Variants in SLIT1 observed in about 807,000 individuals in gnomAD.
The protein encoded by SLIT1 is slit guidance ligand 1, also known as slit homolog 1 protein.
A neutral mutation model predicts 186.1 loss-of-function variants in SLIT1; 66 were observed. The observed-to-expected ratio is 0.35, with a 90% CI of 0.29 to 0.44. The LOEUF is 0.44. Among genes scored for constraint, SLIT1 ranks in the 20% least tolerant of loss-of-function variants. The pLI is 1.00. For missense variants in SLIT1, 1,638 were observed against 2,037.4 expected, an observed-to-expected ratio of 0.80 and a Z score of 3.77; for synonymous variants, 761 against 833.8, an observed-to-expected ratio of 0.91 and a Z score of 1.50.
intron 4 of SLIT1, among the ~76,000 whole-genome samples, chr10:97,069,380 G>A (rs1848981988): frequency 6.6e-6 from 1 of 152,270 alleles, no homozygotes; most frequent in African/African-American, 2.4e-5. Flanking sequence ...ATGCCCAGAA[G>A]AGGGCACAGA....
At chr10:97,084,170 C>T (rs1023543495) in intron 4 of SLIT1, among the ~76,000 whole-genome samples, 3 of 152,236 alleles carry the variant, frequency 2.0e-5, no homozygotes, top group Non-Finnish European at 4.4e-5. Context: ...CTGTTCAGGG[C>T]TCAGGAGCCT....
At chr10:97,157,628 G>A in intron 4 of SLIT1, 190 bp downstream of exon 4, 1 of 616,894 alleles carries the variant, frequency 1.6e-6, no homozygotes, top group East Asian at 2.6e-5. Flanking sequence ...TTGCCATGGA[G>A]AAATACCCTG....
In SLIT1 at chr10:97,157,829, A is replaced by C; in HGVS notation, c.402T>G (p.Ala134=). Residue 134 remains alanine, a synonymous_variant, in exon 4 of 37, where the codon GCT becomes GCG. Coordinates refer to ENST00000266058, the MANE Select transcript of SLIT1 (RefSeq NM_003061.3). The part of the protein sequence containing the change: ...LPELLFQNNQ[A]LSRLDLSENA... ...AGAGCGTCACTCACAGTCTTGACAA[A>C]GCCTGGTTGTTCTGGAACAGCAGTT... is the stretch of plus-strand genomic sequence containing the variant. The C allele has an allele frequency of 2.5e-6, 4 of 1,613,752 alleles. No homozygotes were observed. Among genetic ancestry groups the C allele is most frequent in the Non-Finnish European group, 3.4e-6 (4 of 1,179,596 alleles).
chr10:97,108,953 A>G (rs1849440186), intron 4 of SLIT1, among the ~76,000 whole-genome samples: 1 of 144,320 alleles, frequency 6.9e-6, no homozygotes. Context: ...GAGATCACAC[A>G]TGGGCCCAGG....
intron 3 of SLIT1, 102 bp downstream of exon 3, chr10:97,163,278 C>A (rs1161090350): frequency 2.1e-6 from 2 of 966,014 alleles, no homozygotes; most frequent in South Asian, 2.8e-5. Flanking sequence ...GGCATGGGGT[C>A]CCCTCCCATG....
At chr10:97,165,020 G>C (rs1239492911) in intron 1 of SLIT1, 130 bp from the exon 2 acceptor site, 1 of 700,978 alleles carries the variant, frequency 1.4e-6, no homozygotes, top group East Asian at 2.7e-5. Flanking sequence ...GGGCTTCTGT[G>C]AGTTGAGTCT....
intron 4 of SLIT1, among the ~76,000 whole-genome samples, chr10:97,089,695 G>A (rs1334756898): frequency 1.3e-5 from 2 of 152,176 alleles, no homozygotes; most frequent in African/African-American, 2.4e-5. Flanking sequence ...CTTCAGCTGG[G>A]GGAGTAGGCT....
At position 97,101,103 on chromosome 10, in the gene SLIT1, G is replaced by A. The variant is rs149236046; in HGVS notation, c.414-35017C>T. The stretch of plus-strand genomic sequence containing the variant: ...GACTGTGGAGGCCACCCAGCACTAG[G>A]GAGGGAGAGTAAATCCCAAAGGCAC... On this transcript the variant is annotated intron_variant, in intron 4 of 36. Transcript: ENST00000266058. Among the ~76,000 whole-genome samples the A allele has an allele frequency of 6.8e-4, 104 of 152,322 alleles. 1 individual carries two copies. Among genetic ancestry groups the A allele is most frequent in the African/African-American group, 2.5e-3 (102 of 41,574 alleles).
intron 4 of SLIT1, chr10:97,153,804 G>A (rs889306084): frequency 2.0e-5 from 3 of 152,290 alleles, no homozygotes; most frequent in Non-Finnish European, 4.4e-5. Context: ...TCGAGATGCT[G>A]CTGATGATCC....
chr10:97,107,108 C>T (rs1008147539), intron 4 of SLIT1, among the ~76,000 whole-genome samples: 10 of 152,112 alleles, frequency 6.6e-5, no homozygotes, highest in Non-Finnish European at 1.5e-4. Flanking sequence ...GGGCACAGGC[C>T]CAAAGCCAGA....
In SLIT1 at chr10:97,021,925, T is replaced by A. The variant is rs1410039295; in HGVS notation, c.2583-512A>T. On this transcript the variant is annotated intron_variant, in intron 25 of 36. Coordinates refer to ENST00000266058, the MANE Select transcript of SLIT1 (RefSeq NM_003061.3). The surrounding 1 kb of genome is among the most constrained non-coding windows in gnomAD (Gnocchi z 4.5). Reference sequence around the variant, plus strand: ...ACTTAGTCATCACCACACGCTACTATTCTCATTTTACATGTGCAGAAACCG... The same window carrying A: ...ACTTAGTCATCACCACACGCTACTAATCTCATTTTACATGTGCAGAAACCG... 1.3e-5 allele frequency among the ~76,000 whole-genome samples: 2 copies of A among 152,166 alleles called. No homozygotes were observed. The highest frequency in any genetic ancestry group is 3.9e-4 in the East Asian group (2 of 5,194).
At chr10:97,132,484 A>G (rs927538560) in intron 4 of SLIT1, among the ~76,000 whole-genome samples, 17 of 152,134 alleles carry the variant, frequency 1.1e-4, no homozygotes, top group African/African-American at 3.6e-4. Context: ...CCACAGTCCA[A>G]TGGCCAAGAC....
chr10:97,159,180 A>G (rs908285135), intron 3 of SLIT1, among the ~76,000 whole-genome samples: 2 of 152,184 alleles, frequency 1.3e-5, no homozygotes, highest in Non-Finnish European at 2.9e-5. Context: ...GGAAAAACTT[A>G]ATTCCATGTA....
At chr10:97,063,215 T>G (rs1589379458) in intron 8 of SLIT1, among the ~76,000 whole-genome samples, 1 of 144,044 alleles carries the variant, frequency 6.9e-6, no homozygotes. Flanking sequence ...GAATGGGAGG[T>G]GATGGATGGG....
chr10:97,088,864 C>G (rs912399260), intron 4 of SLIT1, among the ~76,000 whole-genome samples: 2 of 152,192 alleles, frequency 1.3e-5, no homozygotes, highest in Non-Finnish European at 2.9e-5. Context: ...GTCAGCATCC[C>G]CACCCAAAAC....
intron 24 of SLIT1, among the ~76,000 whole-genome samples, chr10:97,031,375 C>A (rs889889794): frequency 2.0e-5 from 3 of 152,228 alleles, no homozygotes; most frequent in African/African-American, 7.2e-5. Flanking sequence ...GCCCCTACCA[C>A]CACAAACTCA....
chr10:97,018,877 T>C, intron 27 of SLIT1, 106 bp downstream of exon 27: 1 of 685,616 alleles, frequency 1.5e-6, no homozygotes, highest in Non-Finnish European at 2.6e-6. Context: ...TAATTACAGG[T>C]TCACTCAAGC....
At chr10:97,138,043 T>A (rs1236243861) in intron 4 of SLIT1, among the ~76,000 whole-genome samples, 1 of 152,210 alleles carries the variant, frequency 6.6e-6, no homozygotes, top group East Asian at 1.9e-4. Context: ...AAGATTACAG[T>A]TGATCCTTGA....
chr10:97,106,419 T>TG (rs779268598), intron 4 of SLIT1, among the ~76,000 whole-genome samples: 4 of 152,042 alleles, frequency 2.6e-5, no homozygotes, highest in Non-Finnish European at 5.9e-5. Flanking sequence ...AATGAATGAA[T>TG]GAATGAATGA....
Sources: allele counts gnomAD v4.1 joint callset (sites outside exome capture counted in the v4.1 genomes callset), GRCh38; gene constraint gnomAD v4.1.1; non-coding constraint Gnocchi (gnomAD v3.1); transcripts MANE v1.5; gene names NCBI Gene and HGNC (gene_info 2026-07-23, HGNC 2026-07-21).